Variants in KHDRBS2 observed in about 807,000 individuals in gnomAD.
KHDRBS2 encodes the protein KH RNA binding domain containing, signal transduction associated 2, also known as KH domain-containing, RNA-binding, signal transduction-associated protein 2.
KHDRBS2 carries 26 observed loss-of-function variants against 44.3 expected under a neutral mutation model. The observed-to-expected ratio is 0.59, with a 90% CI of 0.43 to 0.81. The LOEUF is 0.81. Ranked by LOEUF, KHDRBS2 falls within the 40% of genes least tolerant of loss-of-function variation. The probability of loss-of-function intolerance (pLI) is 0.00; values close to 1 mark genes in which losing one functional copy is unlikely to be tolerated. For synonymous variants in KHDRBS2, 194 were observed against 151.1 expected, an observed-to-expected ratio of 1.28 and a Z score of -2.08; for missense variants, 476 against 433.1, an observed-to-expected ratio of 1.10 and a Z score of -0.88.
chr6:62,033,625 G>T (rs377611369), intron 3 of KHDRBS2, among the ~76,000 whole-genome samples: 4 of 150,320 alleles, frequency 2.7e-5, no homozygotes, highest in Middle Eastern at 3.2e-3. Context: ...TATATATCCA[G>T]ATATATATAT....
chr6:62,148,405 G>C (rs141600111), intron 2 of KHDRBS2, among the ~76,000 whole-genome samples: 435 of 152,086 alleles, frequency 2.9e-3, no homozygotes, highest in Non-Finnish European at 4.8e-3. Flanking sequence ...TTGAGTCTTA[G>C]AGACAAGGAC....
intron 1 of KHDRBS2, among the ~76,000 whole-genome samples, chr6:62,257,969 C>A (rs2150179533): frequency 6.6e-6 from 1 of 152,110 alleles, no homozygotes; most frequent in Admixed American, 6.6e-5. Context: ...AATTGAGTAT[C>A]CCTAATCCAA....
the KHDRBS2 span, among the ~76,000 whole-genome samples, chr6:61,556,310 C>T: frequency 1.4e-4 from 21 of 152,218 alleles, 1 homozygote; most frequent in Middle Eastern, 3.4e-3. Context: ...GGGGTGGCGG[C>T]GGGGGTGCCA....
intron 8 of KHDRBS2, among the ~76,000 whole-genome samples, chr6:61,689,396 A>C (rs1350792168): frequency 6.6e-6 from 1 of 152,020 alleles, no homozygotes; most frequent in Non-Finnish European, 1.5e-5. Context: ...GCCGGTCAGA[A>C]GTAAGAATAG....
intron 6 of KHDRBS2, among the ~76,000 whole-genome samples, chr6:61,773,238 G>T (rs375549052): frequency 6.6e-6 from 1 of 152,040 alleles, no homozygotes; most frequent in African/African-American, 2.4e-5. Context: ...AATGGTTGAA[G>T]TAGTTTACAG....
At chr6:62,046,790 C>T (rs1787797488) in intron 3 of KHDRBS2, among the ~76,000 whole-genome samples, 1 of 151,706 alleles carries the variant, frequency 6.6e-6, no homozygotes, top group Admixed American at 6.6e-5. Flanking sequence ...AGAATACAGT[C>T]GTTGCTGAAA....
intron 6 of KHDRBS2, among the ~76,000 whole-genome samples, chr6:61,825,809 G>C (rs780689775): frequency 6.6e-6 from 1 of 152,070 alleles, no homozygotes; most frequent in Non-Finnish European, 1.5e-5. Flanking sequence ...TGGTGTCCTC[G>C]TGTACTCAAT....
intron 7 of KHDRBS2, among the ~76,000 whole-genome samples, chr6:61,730,500 G>T (rs1025047360): frequency 6.6e-6 from 1 of 152,074 alleles, no homozygotes; most frequent in Non-Finnish European, 1.5e-5. Context: ...AACAAATAAC[G>T]AAAATGATAG....
chr6:62,247,878 T>C (rs1397273960), intron 1 of KHDRBS2, among the ~76,000 whole-genome samples: 1 of 151,818 alleles, frequency 6.6e-6, no homozygotes, highest in Non-Finnish European at 1.5e-5. Flanking sequence ...CCAGAGAATA[T>C]CTCCATTTTT....
At chr6:61,748,554 T>C (rs1361246093) in intron 6 of KHDRBS2, among the ~76,000 whole-genome samples, 2 of 152,346 alleles carry the variant, frequency 1.3e-5, no homozygotes, top group East Asian at 1.9e-4. Context: ...TATGTTGGTA[T>C]ACAACATTCT....
At chr6:62,267,503 T>C (rs190150724) in intron 1 of KHDRBS2, among the ~76,000 whole-genome samples, 121 of 152,122 alleles carry the variant, frequency 8.0e-4, no homozygotes, top group African/African-American at 2.7e-3. Context: ...GGTTCTAAAA[T>C]GGGTCAAAAC....
chr6:61,616,931 CTACTT>C, the KHDRBS2 span, among the ~76,000 whole-genome samples: 1 of 152,114 alleles, frequency 6.6e-6, no homozygotes, highest in Non-Finnish European at 1.5e-5. Context: ...GTTAAGATGA[CTACTT>C]TAATTCTCAG....
chr6:62,003,241 T>C lies in KHDRBS2; in HGVS notation c.337-25029A>G, dbSNP rs1778599901. 1.3e-5 allele frequency among the ~76,000 whole-genome samples: 2 copies of C among 151,974 alleles called. 1 individual carries two copies. Among genetic ancestry groups the C allele is most frequent in the South Asian group, 4.1e-4 (2 of 4,826 alleles). On this transcript the variant is annotated intron_variant, in intron 3 of 8. Transcript: ENST00000281156. Reference sequence around the variant, plus strand: ...CTGCAGTGAGCTACTATTGCACCACTGTACTTCAGCTTGGGTGACAAAGTG... The same window carrying C: ...CTGCAGTGAGCTACTATTGCACCACCGTACTTCAGCTTGGGTGACAAAGTG...
intron 7 of KHDRBS2, among the ~76,000 whole-genome samples, chr6:61,730,598 A>G (rs933159868): frequency 2.0e-5 from 3 of 152,130 alleles, no homozygotes; most frequent in African/African-American, 7.2e-5. Flanking sequence ...AATTCAGGGC[A>G]GAAACAGATT....
chr6:62,132,783 C>A (rs572170673), intron 2 of KHDRBS2, among the ~76,000 whole-genome samples: 13 of 152,250 alleles, frequency 8.5e-5, no homozygotes, highest in African/African-American at 1.9e-4. Flanking sequence ...GTTTCTTATT[C>A]TCTTCCCTTC....
intron 4 of KHDRBS2, among the ~76,000 whole-genome samples, chr6:61,934,466 A>C (rs1486471415): frequency 6.6e-6 from 1 of 152,188 alleles, no homozygotes; most frequent in Non-Finnish European, 1.5e-5. Context: ...AAGCTGTAAT[A>C]GAGTATATGC....
the KHDRBS2 span, among the ~76,000 whole-genome samples, chr6:61,582,366 A>G: frequency 1.3e-5 from 2 of 151,732 alleles, no homozygotes; most frequent in Admixed American, 1.3e-4. Flanking sequence ...AAATAGATAC[A>G]GATGTTAAAA....
the KHDRBS2 span, among the ~76,000 whole-genome samples, chr6:61,643,835 G>A: frequency 3.9e-5 from 6 of 152,080 alleles, no homozygotes; most frequent in African/African-American, 9.7e-5. Context: ...CACATTCCAT[G>A]CTCATGGATA....
At chr6:62,004,451 C>T (rs1778854679) in intron 3 of KHDRBS2, among the ~76,000 whole-genome samples, 1 of 151,934 alleles carries the variant, frequency 6.6e-6, no homozygotes, top group South Asian at 2.1e-4. Context: ...ATACACCTTC[C>T]TAAACCAGGA....
Sources: allele counts gnomAD v4.1 joint callset (sites outside exome capture counted in the v4.1 genomes callset), GRCh38; gene constraint gnomAD v4.1.1; transcripts MANE v1.5; gene names NCBI Gene and HGNC (gene_info 2026-07-23, HGNC 2026-07-21).